Variants in LYRM7 observed in about 807,000 individuals in gnomAD.
LYRM7 encodes LYR motif containing 7.
LYRM7 carries 9 observed loss-of-function variants against 15.8 expected under a neutral mutation model. The ratio of observed to expected loss-of-function variants is 0.57; its 90% CI spans 0.34 to 0.99. LYRM7 has a LOEUF of 0.99. LYRM7 is among the 50% of genes least tolerant of loss of function. LYRM7 has a pLI of 0.02. For synonymous variants in LYRM7, 39 were observed against 39.4 expected (o/e 0.99, Z 0.04); for missense variants, 115 against 119.1 (o/e 0.97, Z 0.16).
At chr5:131,179,146 T>C (rs1682200127) in intron 1 of LYRM7, among the ~76,000 whole-genome samples, 1 of 152,144 alleles carries the variant, frequency 6.6e-6, no homozygotes, top group African/African-American at 2.4e-5. Flanking sequence ...CATACCAGAC[T>C]GGTAAAGTAG....
At position 131,204,258 on chromosome 5, in the gene LYRM7, C is replaced by T. The variant is rs562599306; in HGVS notation, c.*4657C>T. ...GCCTTTTTGAAAGGAAAATTGACAT[C>T]ATCAAAATTTTAAATATATTCAGTC... On this transcript the variant is annotated 3_prime_UTR_variant, in exon 5 of 5. Transcript: ENST00000379380. 1 of 151,994 alleles carries T rather than the reference C, an allele frequency of 6.6e-6. No homozygotes were observed. The highest frequency in any genetic ancestry group is 6.6e-5 in the Admixed American group (1 of 15,258). The allele number at this position is 151,994 out of a possible 1,614,324, so 9.4% of individuals were successfully genotyped here. A position where few individuals can be genotyped will look rare whatever the true frequency, so the allele number is the denominator to read the frequency against.
intron 4 of LYRM7, among the ~76,000 whole-genome samples, chr5:131,190,247 G>A (rs1224857985): frequency 6.6e-6 from 1 of 152,152 alleles, no homozygotes; most frequent in Non-Finnish European, 1.5e-5. Flanking sequence ...CTACGCTGGA[G>A]TGCAGTGGTG....
intron 4 of LYRM7, among the ~76,000 whole-genome samples, chr5:131,193,974 A>G (rs80332088): frequency 0.17 from 25,648 of 151,856 alleles, 2,518 homozygotes; most frequent in African/African-American, 0.27. Flanking sequence ...GCGCCATTGC[A>G]CTCCAGCCTG....
At chr5:131,193,966 G>A (rs377760290) in intron 4 of LYRM7, among the ~76,000 whole-genome samples, 1 of 151,844 alleles carries the variant, frequency 6.6e-6, no homozygotes, top group Non-Finnish European at 1.5e-5. Flanking sequence ...CCGAGATTGC[G>A]CCATTGCACT....
intron 2 of LYRM7, among the ~76,000 whole-genome samples, chr5:131,181,497 C>T (rs1479850611): frequency 1.5e-5 from 2 of 132,822 alleles, no homozygotes; most frequent in African/African-American, 3.1e-5. Context: ...TGTATATATA[C>T]ACACACACAA....
intron 4 of LYRM7, among the ~76,000 whole-genome samples, chr5:131,191,413 G>T (rs935124108): frequency 4.6e-5 from 7 of 152,014 alleles, no homozygotes; most frequent in Admixed American, 2.0e-4. Flanking sequence ...AATAGAAATT[G>T]AAAGTAATAA....
chr5:131,182,942 C>A (rs77869124), intron 3 of LYRM7, among the ~76,000 whole-genome samples: 2,432 of 151,836 alleles, frequency 0.016, 44 homozygotes, highest in African/African-American at 0.046. Flanking sequence ...AGGAAAGGAC[C>A]CTTAGGAAGA....
chr5:131,182,148 A>G, intron 2 of LYRM7, 81 bp from the exon 3 acceptor site: 9 of 1,189,714 alleles, frequency 7.6e-6, no homozygotes, highest in Non-Finnish European at 1.0e-5. Context: ...GTAGCCATTC[A>G]TAGTGAATAA....
At chr5:131,186,065 T>A (rs548214376) in intron 3 of LYRM7, among the ~76,000 whole-genome samples, 1 of 152,372 alleles carries the variant, frequency 6.6e-6, no homozygotes, top group South Asian at 2.1e-4. Flanking sequence ...GCTCTACTGC[T>A]GACAACTCAA....
In LYRM7 at chr5:131,181,316, T is replaced by TATATATAC. The variant is rs1208669077; in HGVS notation, c.92-912_92-911insTATATACA. On this transcript the variant is annotated intron_variant, in intron 2 of 4. Coordinates refer to ENST00000379380, the MANE Select transcript of LYRM7 (RefSeq NM_181705.4). ...AAAAAAAAAAAAATATATATATATATACACACACACACACATATATATAAC... is the reference window on the plus strand; with the variant it reads ...AAAAAAAAAAAAATATATATATATATATATATACACACACACACACACATATATATAAC... Among the ~76,000 whole-genome samples, 31 of 27,628 alleles carry TATATATAC rather than the reference T, an allele frequency of 1.1e-3. 1 individual carries two copies. The highest frequency in any genetic ancestry group is 1.4e-3 in the Non-Finnish European group (18 of 13,086). 18.1% of individuals were successfully genotyped at this position (27,628 alleles called of 152,430 possible). A position where few individuals can be genotyped will look rare whatever the true frequency, so the allele number is the denominator to read the frequency against.
chr5:131,192,535 T>C (rs1402038858), intron 4 of LYRM7, among the ~76,000 whole-genome samples: 1 of 152,168 alleles, frequency 6.6e-6, no homozygotes, highest in African/African-American at 2.4e-5. Context: ...CCCTTAAATA[T>C]GCATATATAG....
At chr5:131,196,922 C>T (rs1351354949) in intron 4 of LYRM7, among the ~76,000 whole-genome samples, 1 of 152,090 alleles carries the variant, frequency 6.6e-6, no homozygotes, top group African/African-American at 2.4e-5. Context: ...TCCCAAAGTG[C>T]TGTGATTACA....
At position 131,182,277 on chromosome 5, in the gene LYRM7, C is replaced by T. The variant is rs762075975; in HGVS notation, c.140C>T (p.Thr47Ile). The change falls in exon 3 of 5, where the codon ACT becomes ATT. Residue 47 changes from threonine (T) to isoleucine (I), a missense_variant. By Grantham distance (89) the Thr-to-Ile change is moderately conservative (BLOSUM62 -1). Coordinates refer to ENST00000379380, the MANE Select transcript of LYRM7 (RefSeq NM_181705.4). ...GAATTCAAAAATAATAAAAGTGAAA[C>T]TTCTTCTAAGAAAATAGAAGAGGTA... is the stretch of plus-strand genomic sequence containing the variant. Reference protein sequence around the residue: ...NEEFKNNKSETSSKKIEELMK... With the variant: ...NEEFKNNKSEISSKKIEELMK... 11 of 1,424,620 alleles carry T rather than the reference C, an allele frequency of 7.7e-6. No individual in the cohort carries two copies. The highest frequency in any genetic ancestry group is 1.0e-5 in the Non-Finnish European group (11 of 1,051,658). 88.2% of individuals were successfully genotyped at this position (1,424,620 alleles called of 1,614,324 possible). A position where few individuals can be genotyped will look rare whatever the true frequency, so the allele number is the denominator to read the frequency against.
At chr5:131,187,880 C>T (rs1204520518) in intron 4 of LYRM7, among the ~76,000 whole-genome samples, 1 of 152,092 alleles carries the variant, frequency 6.6e-6, no homozygotes, top group African/African-American at 2.4e-5. Context: ...CCAGATGGTG[C>T]TTCAGCAAAA....
intron 2 of LYRM7, among the ~76,000 whole-genome samples, chr5:131,180,584 G>A (rs1215817855): frequency 2.6e-5 from 4 of 152,114 alleles, no homozygotes; most frequent in African/African-American, 9.7e-5. Context: ...GTATCTCCCT[G>A]TTTTAAGTAG....
chr5:131,174,161 CA>C (rs1164392472), intron 1 of LYRM7, among the ~76,000 whole-genome samples: 3 of 152,158 alleles, frequency 2.0e-5, no homozygotes, highest in African/African-American at 4.8e-5. Context: ...GCATCTTCAC[CA>C]GGGGTGAAGT....
At position 131,181,302 on chromosome 5, in the gene LYRM7, A is replaced by ATGT. The variant is rs71000974; in HGVS notation, c.92-927_92-926insTGT. ...AAAAAAAAAAAAAAAAAAAAAAAAAAATATATATATATATACACACACACA... is the reference window on the plus strand; with the variant it reads ...AAAAAAAAAAAAAAAAAAAAAAAAAATGTATATATATATATATACACACACACA... On this transcript the variant is annotated intron_variant, in intron 2 of 4. Coordinates refer to ENST00000379380, the MANE Select transcript of LYRM7 (RefSeq NM_181705.4). Among the ~76,000 whole-genome samples, 2 of 8,768 alleles carry ATGT rather than the reference A, an allele frequency of 2.3e-4. 1 individual carries two copies. Among genetic ancestry groups the ATGT allele is most frequent in the African/African-American group, 4.4e-4 (2 of 4,580 alleles). The allele number at this position is 8,768 out of a possible 152,430, so 5.8% of individuals were successfully genotyped here.
chr5:131,181,381 A>ATATTAT (rs552588384), intron 2 of LYRM7, among the ~76,000 whole-genome samples: 5 of 76,476 alleles, frequency 6.5e-5, no homozygotes, highest in African/African-American at 4.5e-4. Context: ...ATGTATATAT[A>ATATTAT]ATATATACAT....
chr5:131,177,736 C>G (rs1348985501), intron 1 of LYRM7, among the ~76,000 whole-genome samples: 2 of 152,234 alleles, frequency 1.3e-5, no homozygotes, highest in Non-Finnish European at 2.9e-5. Flanking sequence ...TCTTGTAATT[C>G]GTGTGCCTTA....
Sources: gnomAD v4.1 joint callset for allele counts (sites outside exome capture counted in the v4.1 genomes callset) on GRCh38, gnomAD v4.1.1 for gene constraint, MANE v1.5 for transcripts, NCBI Gene and HGNC (gene_info 2026-07-23, HGNC 2026-07-21) for gene names.